The following KCNQ5 variants were observed in gnomAD, a reference collection of about 807,000 sequenced individuals.
KCNQ5 encodes the protein potassium voltage-gated channel subfamily KQT member 5.
Under a neutral mutation model 98.2 loss-of-function variants are expected in KCNQ5, and 30 were observed. The ratio of observed to expected loss-of-function variants is 0.31; its 90% CI spans 0.23 to 0.41. KCNQ5 has a LOEUF of 0.41. Among genes scored for constraint, KCNQ5 ranks in the 10% least tolerant of loss-of-function variants. The pLI, the probability that KCNQ5 is intolerant of heterozygous loss-of-function variation, is 1.00. For synonymous variants in KCNQ5, 458 were observed against 449.4 expected, an observed-to-expected ratio of 1.02 and a Z score of -0.24; for missense variants, 835 against 1,182.5, an observed-to-expected ratio of 0.71 and a Z score of 4.31.
chr6:73,001,619 G>C (rs1007580621), intron 1 of KCNQ5, among the ~76,000 whole-genome samples: 1 of 152,146 alleles, frequency 6.6e-6, no homozygotes, highest in Non-Finnish European at 1.5e-5. Context: ...TGGGGAAAGG[G>C]AGGGAATATC....
intron 1 of KCNQ5, among the ~76,000 whole-genome samples, chr6:72,719,019 A>C (rs2154475277): frequency 6.6e-6 from 1 of 152,308 alleles, no homozygotes; most frequent in Admixed American, 6.5e-5. Flanking sequence ...TATATTTAGC[A>C]TTTATTTATT....
chr6:73,158,083 G>A (rs1777440627), intron 10 of KCNQ5: 2 of 522,660 alleles, frequency 3.8e-6, no homozygotes, highest in Admixed American at 2.5e-5. Context: ...CGGAACCCGC[G>A]CTGGAGCCAG....
At chr6:72,677,609 A>G (rs1359700429) in intron 1 of KCNQ5, among the ~76,000 whole-genome samples, 1 of 152,216 alleles carries the variant, frequency 6.6e-6, no homozygotes, top group South Asian at 2.1e-4. Context: ...TGAATACAAT[A>G]TGCCTCAGAA....
At chr6:72,651,593 C>T (rs1346952721) in intron 1 of KCNQ5, among the ~76,000 whole-genome samples, 1 of 151,994 alleles carries the variant, frequency 6.6e-6, no homozygotes, top group Non-Finnish European at 1.5e-5. Flanking sequence ...TCTATTATTT[C>T]GTTGAGATGA....
intron 1 of KCNQ5, among the ~76,000 whole-genome samples, chr6:72,637,196 A>C (rs914384819): frequency 6.6e-6 from 1 of 152,208 alleles, no homozygotes; most frequent in Middle Eastern, 3.2e-3. Context: ...CTTTGTTTGG[A>C]GATGTTATTT....
Position 73,192,567 on chromosome 6 carries a change from T to C in KCNQ5, c.1712T>C (p.Val571Ala), listed in dbSNP as rs778239790. The C allele has an allele frequency of 1.9e-6, 3 of 1,608,552 alleles. No individual in the cohort carries two copies. In the South Asian group the frequency reaches 3.3e-5, roughly 18 times the overall value. The change falls in exon 13 of 14, where the codon GTT (valine) becomes GCT (alanine). Residue 571 changes from valine to alanine, a missense_variant and splice_region_variant. By Grantham distance (64) the Val-to-Ala change is moderately conservative. Around this residue, in one of 10 missense-constraint regions of KCNQ5, gnomAD observed 416 missense variants for 446.9 expected, o/e 0.93. Transcript: ENST00000370398. ...CAGATCTCCTCTTTCTCTGATAGTGTTGATCAAATTCTTGGAAAAGGGCAA... is the reference window on the plus strand; with the variant it reads ...CAGATCTCCTCTTTCTCTGATAGTGCTGATCAAATTCTTGGAAAAGGGCAA... ...LCRIKSLQTRVDQILGKGQIT... is the reference protein window; with the variant it reads ...LCRIKSLQTRADQILGKGQIT...
chr6:72,736,431 T>G (rs569302236), intron 1 of KCNQ5, among the ~76,000 whole-genome samples: 3 of 151,846 alleles, frequency 2.0e-5, no homozygotes, highest in Non-Finnish European at 2.9e-5. Flanking sequence ...AATCTGCTTA[T>G]GAAGTAATAT....
At chr6:72,871,943 C>G (rs1778226280) in intron 1 of KCNQ5, among the ~76,000 whole-genome samples, 2 of 152,114 alleles carry the variant, frequency 1.3e-5, no homozygotes, top group African/African-American at 4.8e-5. Flanking sequence ...TTTGCTCTTT[C>G]CTCCCTCTTC....
At chr6:73,043,210 A>G (rs1167072696) in intron 3 of KCNQ5, 2 of 376,700 alleles carry the variant, frequency 5.3e-6, no homozygotes, top group African/African-American at 2.1e-5. Flanking sequence ...TACTTCTTTC[A>G]TAGTATGCAC....
At chr6:72,971,731 C>T (rs914084574) in intron 1 of KCNQ5, among the ~76,000 whole-genome samples, 5 of 152,082 alleles carry the variant, frequency 3.3e-5, no homozygotes, top group Non-Finnish European at 5.9e-5. Context: ...AGCAAACTAT[C>T]GCAAGGACAG....
At chr6:72,910,468 T>A (rs1023613179) in intron 1 of KCNQ5, among the ~76,000 whole-genome samples, 3 of 152,098 alleles carry the variant, frequency 2.0e-5, no homozygotes, top group African/African-American at 7.2e-5. Flanking sequence ...TTCTCTTACC[T>A]ATCATTCTTC....
chr6:72,832,304 A>G (rs1776310378), intron 1 of KCNQ5, among the ~76,000 whole-genome samples: 1 of 152,066 alleles, frequency 6.6e-6, no homozygotes, highest in Admixed American at 6.6e-5. Flanking sequence ...TTTTGTTTTT[A>G]CCTAAATTTT....
intron 1 of KCNQ5, among the ~76,000 whole-genome samples, chr6:72,874,029 T>G (rs1406635687): frequency 6.6e-6 from 1 of 151,892 alleles, no homozygotes; most frequent in African/African-American, 2.4e-5. Flanking sequence ...ATATCTTTAC[T>G]TGTATTTTAT....
chr6:73,197,732 T>G lies in KCNQ5; in HGVS notation c.*2318T>G, dbSNP rs1490368685. ...AGGAAGAGGAGGGAGGCAGCAACTT[T>G]CAGGTAGCACTGATTCTTGGACATA... is the stretch of plus-strand genomic sequence containing the variant. On this transcript the variant is annotated 3_prime_UTR_variant, in exon 14 of 14. Coordinates refer to ENST00000370398, the MANE Select transcript of KCNQ5 (RefSeq NM_019842.4). 1 of 152,150 alleles carries G rather than the reference T, an allele frequency of 6.6e-6. No individual in the cohort carries two copies. Among genetic ancestry groups the G allele is most frequent in the East Asian group, 1.9e-4 (1 of 5,172 alleles). The allele number at this position is 152,150 out of a possible 1,614,324, so 9.4% of individuals were successfully genotyped here.
At chr6:72,669,389 T>C (rs1766984243) in intron 1 of KCNQ5, among the ~76,000 whole-genome samples, 1 of 152,214 alleles carries the variant, frequency 6.6e-6, no homozygotes, top group Non-Finnish European at 1.5e-5. Flanking sequence ...TGGAGAATAA[T>C]TGTCTTTGGC....
intron 2 of KCNQ5, among the ~76,000 whole-genome samples, chr6:73,005,840 G>C (rs147874709): frequency 6.6e-6 from 1 of 152,218 alleles, no homozygotes; most frequent in East Asian, 1.9e-4. Flanking sequence ...TTTCCATAGG[G>C]AGAGGGTTTG....
At chr6:72,773,271 C>G (rs909884145) in intron 1 of KCNQ5, among the ~76,000 whole-genome samples, 8 of 152,096 alleles carry the variant, frequency 5.3e-5, no homozygotes, top group Admixed American at 2.0e-4. Context: ...GAAAATGTGG[C>G]ACATATACAC....
At chr6:72,889,864 G>A (rs745629639) in intron 1 of KCNQ5, among the ~76,000 whole-genome samples, 2 of 152,062 alleles carry the variant, frequency 1.3e-5, no homozygotes, top group Non-Finnish European at 2.9e-5. Context: ...ATTTTTAAAA[G>A]CCCCCAAGCC....
intron 1 of KCNQ5, among the ~76,000 whole-genome samples, chr6:73,002,075 A>G (rs1769603039): frequency 6.6e-6 from 1 of 152,220 alleles, no homozygotes; most frequent in Non-Finnish European, 1.5e-5. Flanking sequence ...AGTTACAATG[A>G]GCTATGAATG....
Sources: allele counts gnomAD v4.1 joint callset (sites outside exome capture counted in the v4.1 genomes callset), GRCh38; gene constraint gnomAD v4.1.1; regional missense constraint gnomAD v4.1.1; transcripts MANE v1.5; gene names NCBI Gene and HGNC (gene_info 2026-07-23, HGNC 2026-07-21).